The following ZNF827 variants were observed in gnomAD, a reference collection of about 807,000 sequenced individuals.
ZNF827 encodes the protein zinc finger protein 827.
In ZNF827, 13 loss-of-function variants were observed where a neutral mutation model predicts 102.4. The ratio of observed to expected loss-of-function variants is 0.13; its 90% confidence interval spans 0.08 to 0.20. ZNF827 has a LOEUF of 0.20. ZNF827 is among the 10% of genes least tolerant of loss of function. The probability of loss-of-function intolerance (pLI) is 1.00; values close to 1 mark genes in which losing one functional copy is unlikely to be tolerated. For synonymous variants in ZNF827, 523 were observed against 536.2 expected (o/e 0.98, Z 0.34); for missense variants, 1,103 against 1,344.4 (o/e 0.82, Z 2.81).
At chr4:145,895,036 G>C (rs948329723) in intron 2 of ZNF827, among the ~76,000 whole-genome samples, 1 of 152,088 alleles carries the variant, frequency 6.6e-6, no homozygotes, top group African/African-American at 2.4e-5. Context: ...AAAATAATAG[G>C]AAAGAGATAA....
chr4:145,774,397 G>T, intron 11 of ZNF827, 109 bp downstream of exon 11: 2 of 1,255,784 alleles, frequency 1.6e-6, no homozygotes, highest in Non-Finnish European at 2.2e-6. Flanking sequence ...TTCCATGGAA[G>T]GAAAAGGGCA....
At chr4:145,818,095 C>T (rs1439789841) in intron 8 of ZNF827, among the ~76,000 whole-genome samples, 3 of 152,176 alleles carry the variant, frequency 2.0e-5, no homozygotes, top group African/African-American at 7.2e-5. Flanking sequence ...AAGTATCTTA[C>T]TTAAAGGACT....
Position 145,765,529 on chromosome 4 carries a change from C to T in ZNF827, c.3052+18G>A. On this transcript the variant is annotated intron_variant, in intron 12 of 14. Coordinates refer to ENST00000508784, the MANE Select transcript of ZNF827 (RefSeq NM_001306215.2). The surrounding 1 kb of genome is among the most constrained non-coding windows in gnomAD (Gnocchi z 4.7). ...GGGTGCGGAGGGTTGAGCAGGCTCA[C>T]ACCCACCTCCTCCTTACCTTTCTCT... 2 of 1,601,152 alleles carry T rather than the reference C, an allele frequency of 1.2e-6. No homozygotes were observed. Among genetic ancestry groups the T allele is most frequent in the Non-Finnish European group, 1.7e-6 (2 of 1,173,626 alleles).
intron 8 of ZNF827, among the ~76,000 whole-genome samples, chr4:145,788,584 A>G (rs902740324): frequency 3.9e-5 from 6 of 152,266 alleles, no homozygotes; most frequent in African/African-American, 1.4e-4. Flanking sequence ...CTTATTGAAT[A>G]AATGATATAA....
rs775734651 is a variant in ZNF827, at chr4:145,902,913, T to G, written c.346A>C (p.Asn116His). The change falls in exon 2 of 15, where the codon AAC becomes CAC. Residue 116 changes from asparagine (N) to histidine (H), a missense_variant. Asn to His is a moderately conservative substitution (Grantham distance 68, BLOSUM62 1). Transcript: ENST00000508784. The surrounding 1 kb of genome is among the most constrained non-coding windows in gnomAD (Gnocchi z 4.3). ...CTCAAATTGCTGCTCAGGGGCTTGT[T>G]GGAGCCTGGGTCATCGTCACACAAA... ...SSLCDDDPGS[N>H]KPLSSNLRRL... 2.5e-6 allele frequency: 4 copies of G among 1,614,072 alleles called. No homozygotes were observed. Among genetic ancestry groups the G allele is most frequent in the Admixed American group, 1.7e-5 (1 of 59,998 alleles).
At chr4:145,840,122 T>C (rs1447443259) in intron 7 of ZNF827, among the ~76,000 whole-genome samples, 1 of 152,232 alleles carries the variant, frequency 6.6e-6, no homozygotes, top group Non-Finnish European at 1.5e-5. Context: ...ATGCACAAAG[T>C]AATTTCAGGC....
chr4:145,876,896 A>G (rs1388522375), intron 4 of ZNF827: 2 of 152,166 alleles, frequency 1.3e-5, no homozygotes, highest in Non-Finnish European at 2.9e-5. Flanking sequence ...ATCTGTTCCC[A>G]TTTGCCACTA....
At position 145,765,154 on chromosome 4, in the gene ZNF827, C is replaced by T. The variant is rs1037674525; in HGVS notation, c.3064G>A (p.Val1022Ile). 1 of 1,609,432 alleles carries T rather than the reference C, an allele frequency of 6.2e-7. No individual in the cohort carries two copies. Among genetic ancestry groups the T allele is most frequent in the Non-Finnish European group, 8.5e-7 (1 of 1,177,636 alleles). ...EEKPEKGFEC[V>I]FCNFVCKTKN... ...GTCTTGCAGACAAAGTTGCAAAAAA[C>T]ACATTCGAACCCTGCAAGGACCGAA... is the stretch of plus-strand genomic sequence containing the variant. The change falls in exon 13 of 15, where the codon GTT becomes ATT. Residue 1022 changes from valine (V) to isoleucine (I), a missense_variant. Physicochemically the swap from Val to Ile is conservative, Grantham distance 29. Transcript: ENST00000508784. This position sits in a 1 kb window ranked among gnomAD's most constrained non-coding sequence, Gnocchi z 4.7.
In ZNF827 at chr4:145,761,622, GAGGTTCAGCCGGGA is replaced by G; in HGVS notation, c.*18-38_*18-25del. On this transcript the variant is annotated intron_variant, in intron 14 of 14. Transcript: ENST00000508784. The surrounding 1 kb of genome is among the most constrained non-coding windows in gnomAD (Gnocchi z 6.8). ...ACCTGCCGGGGAAAGCAACGCAAGG[GAGGTTCAGCCGGGA>G]AGGTTCGGAGGCAGCCGCGCTTCTC... 2 of 1,226,310 alleles carry G rather than the reference GAGGTTCAGCCGGGA, an allele frequency of 1.6e-6. No individual in the cohort carries two copies. Among genetic ancestry groups the G allele is most frequent in the Non-Finnish European group, 2.1e-6 (2 of 948,056 alleles). The allele number at this position is 1,226,310 out of a possible 1,614,324, so 76.0% of individuals were successfully genotyped here.
At chr4:145,917,720 AAAAAAAG>A (rs1439433233) in intron 1 of ZNF827, among the ~76,000 whole-genome samples, 11 of 147,346 alleles carry the variant, frequency 7.5e-5, no homozygotes, top group Admixed American at 3.4e-4. Context: ...AAAAAAAAAA[AAAAAAAG>A]AAAAGAAAAA....
At position 145,762,956 on chromosome 4, in the gene ZNF827, T is replaced by C; in HGVS notation, c.*17+134A>G. The C allele has an allele frequency of 5.0e-6, 4 of 806,214 alleles. No individual in the cohort carries two copies. Among genetic ancestry groups the C allele is most frequent in the Non-Finnish European group, 7.8e-6 (4 of 512,532 alleles). The allele number at this position is 806,214 out of a possible 1,614,324, so 49.9% of individuals were successfully genotyped here. A position where few individuals can be genotyped will look rare whatever the true frequency, so the allele number is the denominator to read the frequency against. ...GAGCCCAACACAACCAAGTGCACCGTGCACGGCCTCCTCAGCGCCAAGCTC... is the reference window on the plus strand; with the variant it reads ...GAGCCCAACACAACCAAGTGCACCGCGCACGGCCTCCTCAGCGCCAAGCTC... On this transcript the variant is annotated intron_variant, in intron 14 of 14. Coordinates refer to ENST00000508784, the MANE Select transcript of ZNF827 (RefSeq NM_001306215.2). The surrounding 1 kb of genome is among the most constrained non-coding windows in gnomAD (Gnocchi z 4.9).
intron 3 of ZNF827, among the ~76,000 whole-genome samples, chr4:145,889,608 C>T (rs1750424848): frequency 6.8e-6 from 1 of 146,046 alleles, no homozygotes; most frequent in Non-Finnish European, 1.5e-5. Flanking sequence ...GGCTGGAGTG[C>T]AGTGGTGCGA....
intron 5 of ZNF827, among the ~76,000 whole-genome samples, chr4:145,863,957 G>A (rs1747953835): frequency 6.6e-6 from 1 of 152,048 alleles, no homozygotes; most frequent in Non-Finnish European, 1.5e-5. Flanking sequence ...ACTTTGGGAG[G>A]CTGAGGTGGG....
Position 145,779,869 on chromosome 4 carries a change from A to C in ZNF827, c.2384-358T>G, listed in dbSNP as rs185220654. On this transcript the variant is annotated intron_variant, in intron 8 of 14. Transcript: ENST00000508784. ...TGAGTTGCATGTTAAAATTCCAGAAATGTAGGCTCTTGCCACAAGGCAGTA... is the reference window on the plus strand; with the variant it reads ...TGAGTTGCATGTTAAAATTCCAGAACTGTAGGCTCTTGCCACAAGGCAGTA... 2.1e-3 allele frequency among the ~76,000 whole-genome samples: 320 copies of C among 152,364 alleles called. 1 individual carries two copies. Among genetic ancestry groups the C allele is most frequent in the African/African-American group, 7.2e-3 (300 of 41,598 alleles).
At chr4:145,847,881 A>G (rs1005667576) in intron 6 of ZNF827, among the ~76,000 whole-genome samples, 2 of 152,224 alleles carry the variant, frequency 1.3e-5, no homozygotes, top group Non-Finnish European at 2.9e-5. Flanking sequence ...GCATGTGTGC[A>G]TGGACAATTC....
At chr4:145,824,246 CA>C (rs1379351578) in intron 7 of ZNF827, among the ~76,000 whole-genome samples, 7 of 152,160 alleles carry the variant, frequency 4.6e-5, no homozygotes, top group African/African-American at 1.7e-4. Context: ...ACAGTGAACA[CA>C]AAGGATTGAA....
At chr4:145,860,814 G>C (rs1005294115) in intron 5 of ZNF827, among the ~76,000 whole-genome samples, 1 of 152,170 alleles carries the variant, frequency 6.6e-6, no homozygotes, top group South Asian at 2.1e-4. Context: ...GCTTGATAGC[G>C]GGGAAACACT....
intron 1 of ZNF827, chr4:145,906,939 T>A: frequency 2.4e-6 from 1 of 410,958 alleles, no homozygotes; most frequent in East Asian, 7.0e-5. Context: ...TTTCTGAAGA[T>A]GCTGCTACTG....
rs565638389 is a variant in ZNF827 at position 145,860,974 on chromosome 4, C to T, written c.1981+9271G>A. 1.2e-4 allele frequency among the ~76,000 whole-genome samples: 19 copies of T among 152,320 alleles called. No individual in the cohort carries two copies. In the South Asian group the frequency reaches 1.9e-3, roughly 15 times the overall value. ...CTCAGACTATATGCATCTTCCAGTG[C>T]GGTGCACAGATGCGCTGAGTAGCCC... On this transcript the variant is annotated intron_variant, in intron 5 of 14. Coordinates refer to ENST00000508784, the MANE Select transcript of ZNF827 (RefSeq NM_001306215.2).
Sources: gnomAD v4.1 joint callset for allele counts (sites outside exome capture counted in the v4.1 genomes callset) on GRCh38, gnomAD v4.1.1 for gene constraint, Gnocchi (gnomAD v3.1) non-coding constraint, MANE v1.5 for transcripts, NCBI Gene and HGNC (gene_info 2026-07-23, HGNC 2026-07-21) for gene names.